Variants in ENTREP2 observed in about 807,000 individuals in gnomAD.
ENTREP2 encodes endosomal transmembrane epsin interactor 2.
chr15:29,610,680 T>G, the ENTREP2 span: 3 of 150,228 alleles, frequency 2.0e-5, no homozygotes, highest in African/African-American at 2.4e-5. Flanking sequence ...GGCAAAGATC[T>G]CCATTTGGCC....
At chr15:29,497,990 A>C in the ENTREP2 span, among the ~76,000 whole-genome samples, 1 of 152,154 alleles carries the variant, frequency 6.6e-6, no homozygotes, top group Admixed American at 6.5e-5. Flanking sequence ...TGCAAATCTT[A>C]TCTCAAATTG....
At chr15:29,127,309 C>CA in the ENTREP2 span, among the ~76,000 whole-genome samples, 25 of 152,284 alleles carry the variant, frequency 1.6e-4, no homozygotes, top group East Asian at 4.6e-3. Flanking sequence ...CAGGTGCCCT[C>CA]AGAGCCCCCT....
At chr15:29,657,937 A>G in the ENTREP2 span, among the ~76,000 whole-genome samples, 2 of 152,186 alleles carry the variant, frequency 1.3e-5, no homozygotes, top group African/African-American at 4.8e-5. Flanking sequence ...ACATAACAGC[A>G]TCAATGAATC....
the ENTREP2 span, among the ~76,000 whole-genome samples, chr15:29,135,233 C>T: frequency 1.3e-5 from 2 of 152,102 alleles, no homozygotes; most frequent in Non-Finnish European, 2.9e-5. The surrounding 1 kb of genome is among the most constrained non-coding windows in gnomAD (Gnocchi z 7.4). Context: ...CCTCCTTGGC[C>T]ACCTGTCACG....
chr15:29,551,618 T>C, the ENTREP2 span, among the ~76,000 whole-genome samples: 2 of 152,104 alleles, frequency 1.3e-5, no homozygotes, highest in African/African-American at 2.4e-5. Context: ...AAATGGTTCT[T>C]TTCTATTAAA....
the ENTREP2 span, among the ~76,000 whole-genome samples, chr15:29,365,250 C>CTT: frequency 0.18 from 25,071 of 141,924 alleles, 2,404 homozygotes; most frequent in East Asian, 0.37. Flanking sequence ...TAGCTCATTT[C>CTT]TTTTTTTTTT....
the ENTREP2 span, among the ~76,000 whole-genome samples, chr15:29,572,472 T>C: frequency 6.6e-6 from 1 of 151,840 alleles, no homozygotes; most frequent in Non-Finnish European, 1.5e-5. Context: ...TCTCCCCCAT[T>C]CATTCATTCA....
At chr15:29,664,427 ACT>A in the ENTREP2 span, among the ~76,000 whole-genome samples, 7 of 146,240 alleles carry the variant, frequency 4.8e-5, no homozygotes, top group African/African-American at 1.8e-4. Context: ...GTGGAAAGAG[ACT>A]CTTTATTTTT....
At chr15:29,408,198 C>T in the ENTREP2 span, among the ~76,000 whole-genome samples, 1 of 152,168 alleles carries the variant, frequency 6.6e-6, no homozygotes, top group Non-Finnish European at 1.5e-5. Flanking sequence ...CAAGGACCAG[C>T]TGTTTACCAG....
the ENTREP2 span, chr15:29,124,774 G>A: frequency 4.5e-6 from 7 of 1,549,406 alleles, no homozygotes; most frequent in Middle Eastern, 1.7e-4. Context: ...TAACCAGAAG[G>A]AGAATTCAGT....
chr15:29,666,491 T>C, the ENTREP2 span, among the ~76,000 whole-genome samples: 1 of 151,768 alleles, frequency 6.6e-6, no homozygotes, highest in Non-Finnish European at 1.5e-5. Context: ...CCCCATTGTC[T>C]TCTCTCCCAA....
the ENTREP2 span, among the ~76,000 whole-genome samples, chr15:29,590,009 A>G: frequency 1.8e-4 from 27 of 152,150 alleles, no homozygotes; most frequent in African/African-American, 6.0e-4. Flanking sequence ...TTCTTTCTCT[A>G]TGTCATTACC....
the ENTREP2 span, among the ~76,000 whole-genome samples, chr15:29,290,538 C>A: frequency 2.0e-5 from 3 of 152,228 alleles, no homozygotes; most frequent in Non-Finnish European, 4.4e-5. Context: ...TCTCCCTGCA[C>A]AAGAATGCAG....
chr15:29,136,833 G>A, the ENTREP2 span, among the ~76,000 whole-genome samples: 4 of 152,180 alleles, frequency 2.6e-5, no homozygotes, highest in African/African-American at 9.7e-5. Context: ...ACTTAAGGCA[G>A]CAACACCTGT....
chr15:29,369,407 C>T, the ENTREP2 span, among the ~76,000 whole-genome samples: 1 of 151,484 alleles, frequency 6.6e-6, no homozygotes, highest in African/African-American at 2.4e-5. Flanking sequence ...ACATGCAGGA[C>T]AGGAGGCAGA....
At chr15:29,644,197 T>C in the ENTREP2 span, among the ~76,000 whole-genome samples, 15 of 152,192 alleles carry the variant, frequency 9.9e-5, no homozygotes, top group Non-Finnish European at 1.9e-4. Flanking sequence ...AGACCATATG[T>C]TCTATGATTT....
chr15:29,657,648 G>A, the ENTREP2 span, among the ~76,000 whole-genome samples: 1 of 151,478 alleles, frequency 6.6e-6, no homozygotes, highest in East Asian at 2.0e-4. Flanking sequence ...TTTACAGAGT[G>A]CTGATTGGTG....
the ENTREP2 span, among the ~76,000 whole-genome samples, chr15:29,283,313 C>T: frequency 1.2e-4 from 18 of 152,300 alleles, no homozygotes; most frequent in African/African-American, 2.4e-4. Context: ...AGTGCAACTG[C>T]GGAGGGAAAA....
the ENTREP2 span, among the ~76,000 whole-genome samples, chr15:29,484,058 C>A: frequency 6.6e-6 from 1 of 152,108 alleles, no homozygotes; most frequent in Non-Finnish European, 1.5e-5. Context: ...CCCAGGAGGG[C>A]AGCCAGGGTT....
Sources: allele counts gnomAD v4.1 joint callset (sites outside exome capture counted in the v4.1 genomes callset), GRCh38; gene constraint gnomAD v4.1.1; non-coding constraint Gnocchi (gnomAD v3.1); transcripts MANE v1.5; gene names NCBI Gene and HGNC (gene_info 2026-07-23, HGNC 2026-07-21).